Variants in GATA4 observed in about 807,000 individuals in gnomAD.
The protein encoded by GATA4 is GATA binding protein 4.
GATA4 carries 7 observed loss-of-function variants against 37.9 expected under a neutral mutation model. The ratio of observed to expected loss-of-function variants is 0.18; its 90% confidence interval spans 0.11 to 0.35. GATA4 has a LOEUF of 0.35. Ranked by LOEUF, GATA4 falls within the 10% of genes least tolerant of loss-of-function variation. The pLI, the probability that GATA4 is intolerant of heterozygous loss-of-function variation, is 1.00. For synonymous variants in GATA4, 372 were observed against 292.6 expected (o/e 1.27, Z -2.77); for missense variants, 647 against 653.0 (o/e 0.99, Z 0.10).
intron 5 of GATA4, chr8:11,756,564 T>C (rs1386695839): frequency 2.9e-6 from 1 of 350,342 alleles, no homozygotes; most frequent in Non-Finnish European, 5.5e-6. Context: ...GATATTCACG[T>C]GTTTTGCTGT....
At position 11,758,416 on chromosome 8, in the gene GATA4, C is replaced by T. The variant is rs1802715393; in HGVS notation, c.1273C>T (p.Gln425Ter). The change falls in exon 7 of 7, where the codon CAG (glutamine) becomes TAG (stop). Residue 425 changes from glutamine (Q) to a stop codon, truncating the protein, a stop_gained. Transcript: ENST00000532059. LOFTEE classifies it high-confidence loss of function. ...VSQSPQTSSK[Q>*]DSWNSLVLAD... ...CCAGTCTCCACAGACCAGCTCCAAG[C>T]AGGACTCTTGGAACAGCCTGGTCTT... The T allele has an allele frequency of 6.2e-7, 1 of 1,614,082 alleles. No homozygotes were observed. The highest frequency in any genetic ancestry group is 1.3e-5 in the African/African-American group (1 of 74,938).
chr8:11,680,720 C>A (rs966963462), intron 1 of GATA4: 2 of 985,196 alleles, frequency 2.0e-6, no homozygotes, highest in Admixed American at 6.1e-5. Context: ...CCGCTGCGCA[C>A]GGATACCCTG....
chr8:11,740,915 G>A (rs896955208), intron 2 of GATA4, among the ~76,000 whole-genome samples: 3 of 152,014 alleles, frequency 2.0e-5, no homozygotes, highest in Admixed American at 2.0e-4. Flanking sequence ...TATATTTTTA[G>A]TAGAGACAGG....
chr8:11,680,674 A>G (rs528472711), intron 1 of GATA4: 1 of 985,184 alleles, frequency 1.0e-6, no homozygotes, highest in East Asian at 1.1e-4. Flanking sequence ...CCTTTGCGTC[A>G]GAGACCCCCC....
chr8:11,709,885 C>G lies in GATA4; in HGVS notation c.616+957C>G, dbSNP rs1033457297. ...GAAAGGGAAGTGGCAACCCCTAGTT[C>G]AAAATGCAAACGACCTCTGGAATTT... On this transcript the variant is annotated intron_variant, in intron 2 of 6. Coordinates refer to ENST00000532059, the MANE Select transcript of GATA4 (RefSeq NM_001308093.3). The surrounding 1 kb of genome is among the most constrained non-coding windows in gnomAD (Gnocchi z 4.3). 2.6e-5 allele frequency among the ~76,000 whole-genome samples: 4 copies of G among 152,118 alleles called. No individual in the cohort carries two copies. The highest frequency in any genetic ancestry group is 4.4e-5 in the Non-Finnish European group (3 of 68,030).
rs113051831 is a variant in GATA4, at chr8:11,707,414, A to C, written c.-457-442A>C. ...CCAAGGACAATCTAAAGTTCTTTCTAGGCCAGTCTCCCCATCTTTCTTGGG... is the reference window on the plus strand; with the variant it reads ...CCAAGGACAATCTAAAGTTCTTTCTCGGCCAGTCTCCCCATCTTTCTTGGG... On this transcript the variant is annotated intron_variant, in intron 1 of 6. Coordinates refer to ENST00000532059, the MANE Select transcript of GATA4 (RefSeq NM_001308093.3). The surrounding 1 kb of genome is among the most constrained non-coding windows in gnomAD (Gnocchi z 4.7). 2.0e-5 allele frequency among the ~76,000 whole-genome samples: 3 copies of C among 151,946 alleles called. No homozygotes were observed. The highest frequency in any genetic ancestry group is 7.2e-5 in the African/African-American group (3 of 41,426).
Position 11,757,106 on chromosome 8 carries a change from C to CA in GATA4, c.1149+24dup, listed in dbSNP as rs141976814. 1.9e-4 allele frequency: 306 copies of CA among 1,612,146 alleles called. No individual in the cohort carries two copies. In the East Asian group the frequency reaches 5.5e-3, roughly 29 times the overall value. The stretch of plus-strand genomic sequence containing the variant: ...CAGGTACGCGCCATGGCTGGGGCGC[C>CA]AGGGCTGTTTGTGGGGAGGCCGACT... On this transcript the variant is annotated intron_variant, in intron 6 of 6. Transcript: ENST00000532059.
At chr8:11,714,939 C>T (rs192892833) in intron 2 of GATA4, among the ~76,000 whole-genome samples, 5 of 152,170 alleles carry the variant, frequency 3.3e-5, no homozygotes, top group South Asian at 2.1e-4. Flanking sequence ...GCCTGGACTC[C>T]GGAATTTTCA....
chr8:11,708,631 C>A lies in GATA4; in HGVS notation c.319C>A (p.Arg107Ser). 1 of 1,338,904 alleles carries A rather than the reference C, an allele frequency of 7.5e-7. No homozygotes were observed. The highest frequency in any genetic ancestry group is 9.6e-7 in the Non-Finnish European group (1 of 1,046,502). The allele number at this position is 1,338,904 out of a possible 1,614,324, so 82.9% of individuals were successfully genotyped here. The change falls in exon 2 of 7, where the codon CGC becomes AGC. Residue 107 changes from arginine to serine, a missense_variant. By Grantham distance (110) the Arg-to-Ser change is moderately radical. Around this residue, in one of 5 missense-constraint regions of GATA4, gnomAD observed 379 missense variants for 334.5 expected, o/e 1.13. Transcript: ENST00000532059. The surrounding 1 kb of genome is among the most constrained non-coding windows in gnomAD (Gnocchi z 6.7). ...TTACACCCCGCCGCCGGTGTCGCCG[C>A]GCTTCTCCTTCCCGGGGACCACCGG... Reference protein sequence around the residue: ...AAYTPPPVSPRFSFPGTTGSL... With the variant: ...AAYTPPPVSPSFSFPGTTGSL...
intron 2 of GATA4, among the ~76,000 whole-genome samples, chr8:11,722,678 G>A (rs1331737586): frequency 1.3e-5 from 2 of 152,110 alleles, no homozygotes; most frequent in African/African-American, 4.8e-5. Flanking sequence ...TCATGACATT[G>A]AACATATTCC....
intron 2 of GATA4, among the ~76,000 whole-genome samples, chr8:11,748,375 G>C (rs1334349835): frequency 6.6e-6 from 1 of 152,166 alleles, no homozygotes; most frequent in African/African-American, 2.4e-5. Flanking sequence ...CTGGGTGACA[G>C]AGTGACCCTG....
At chr8:11,758,149 CAGAG>C in intron 6 of GATA4, 140 bp from the exon 7 acceptor site, 3 of 772,236 alleles carry the variant, frequency 3.9e-6, no homozygotes, top group Non-Finnish European at 6.7e-6. Context: ...TCAGGAGAAA[CAGAG>C]AGAAGTGCTC....
chr8:11,688,181 C>G (rs762139390), upstream of GATA4, among the ~76,000 whole-genome samples: 9 of 152,148 alleles, frequency 5.9e-5, no homozygotes, highest in Non-Finnish European at 1.2e-4. Flanking sequence ...AAGAGCCCCC[C>G]ACACACGTGA....
At chr8:11,697,331 C>G (rs538179729) in intron 1 of GATA4, among the ~76,000 whole-genome samples, 30 of 152,354 alleles carry the variant, frequency 2.0e-4, no homozygotes, top group Admixed American at 6.5e-4. Flanking sequence ...AAAATCCATT[C>G]CGTTCAGAAC....
chr8:11,730,565 C>G (rs1484530053), intron 2 of GATA4, among the ~76,000 whole-genome samples: 2 of 152,192 alleles, frequency 1.3e-5, no homozygotes, highest in East Asian at 3.9e-4. Flanking sequence ...AGGACAAGAA[C>G]TAGGCAGAGG....
In GATA4 at chr8:11,748,946, G is replaced by A; in HGVS notation, c.647G>A (p.Arg216Lys). 1.2e-6 allele frequency: 2 copies of A among 1,614,246 alleles called. No homozygotes were observed. Among genetic ancestry groups the A allele is most frequent in the South Asian group, 1.1e-5 (1 of 91,084 alleles). ...VDMFDDFSEG[R>K]ECVNCGAMST... ...ATGTTTGACGACTTCTCAGAAGGCA[G>A]AGAGTGTGTCAACTGTGGGGCTATG... The change falls in exon 3 of 7, where the codon AGA (arginine) becomes AAA (lysine). Residue 216 changes from arginine to lysine, a missense_variant. By Grantham distance (26) the Arg-to-Lys change is conservative. This residue lies in a region of GATA4 where 7 missense variants were observed against 34.3 expected (regional missense o/e 0.20). Transcript: ENST00000532059.
At chr8:11,718,931 G>A (rs1346906599) in intron 2 of GATA4, among the ~76,000 whole-genome samples, 2 of 152,192 alleles carry the variant, frequency 1.3e-5, no homozygotes, top group Non-Finnish European at 1.5e-5. Flanking sequence ...GACCCATTCC[G>A]AGCAGGTGTG....
intron 4 of GATA4, among the ~76,000 whole-genome samples, chr8:11,752,158 C>T (rs1802333969): frequency 6.6e-6 from 1 of 152,018 alleles, no homozygotes; most frequent in African/African-American, 2.4e-5. Flanking sequence ...AAGCACATTG[C>T]AAAGAAATAT....
chr8:11,719,156 C>T (rs920342703), intron 2 of GATA4, among the ~76,000 whole-genome samples: 13 of 151,310 alleles, frequency 8.6e-5, no homozygotes, highest in Non-Finnish European at 1.8e-4. Context: ...CCGTCAAGGT[C>T]TGCAATGACC....
Sources: allele counts gnomAD v4.1 joint callset (sites outside exome capture counted in the v4.1 genomes callset), GRCh38; gene constraint gnomAD v4.1.1; regional missense constraint gnomAD v4.1.1; non-coding constraint Gnocchi (gnomAD v3.1); transcripts MANE v1.5; gene names NCBI Gene and HGNC (gene_info 2026-07-23, HGNC 2026-07-21).